Variants in RARB observed in about 807,000 individuals in gnomAD.
The protein encoded by RARB is retinoic acid receptor beta.
RARB carries 17 observed loss-of-function variants against 51.9 expected under a neutral mutation model. The ratio of observed to expected loss-of-function variants is 0.33; its 90% CI spans 0.22 to 0.49. The LOEUF (loss-of-function observed/expected upper bound fraction) is 0.49, where lower values mean the gene tolerates loss of function less well. RARB is among the 20% of genes least tolerant of loss of function. The pLI, the probability that RARB is intolerant of heterozygous loss-of-function variation, is 0.99. For missense variants in RARB, 369 were observed against 550.8 expected, an observed-to-expected ratio of 0.67 and a Z score of 3.30; for synonymous variants, 215 against 195.4, an observed-to-expected ratio of 1.10 and a Z score of -0.84.
chr3:25,077,217 CA>C (rs1698888193), intron 3 of RARB, among the ~76,000 whole-genome samples: 1 of 152,168 alleles, frequency 6.6e-6, no homozygotes, highest in Non-Finnish European at 1.5e-5. Context: ...TTTTTTAAAT[CA>C]AGGCATAATA....
chr3:25,509,820 C>A (rs528840020), intron 3 of RARB, among the ~76,000 whole-genome samples: 2 of 152,118 alleles, frequency 1.3e-5, no homozygotes, highest in Non-Finnish European at 2.9e-5. Flanking sequence ...ACAAAGTTGC[C>A]CTTCCCCTTC....
At chr3:25,223,699 A>G (rs1249560533) in intron 5 of RARB, among the ~76,000 whole-genome samples, 4 of 152,202 alleles carry the variant, frequency 2.6e-5, no homozygotes, top group Admixed American at 6.5e-5. Flanking sequence ...CCTCAAAATA[A>G]GAGTAAAATA....
intron 3 of RARB, among the ~76,000 whole-genome samples, chr3:25,543,467 C>T (rs1035762132): frequency 6.6e-6 from 1 of 152,092 alleles, no homozygotes; most frequent in Non-Finnish European, 1.5e-5. Flanking sequence ...TCAAGATGGC[C>T]CTTCCATGAG....
At chr3:25,490,233 T>C (rs1219207320) in intron 2 of RARB, among the ~76,000 whole-genome samples, 1 of 152,158 alleles carries the variant, frequency 6.6e-6, no homozygotes, top group Admixed American at 6.5e-5. Flanking sequence ...GATTCCAACA[T>C]GGCCCTGAAA....
chr3:25,109,448 G>C (rs1699563204), intron 3 of RARB, among the ~76,000 whole-genome samples: 1 of 152,134 alleles, frequency 6.6e-6, no homozygotes, highest in Admixed American at 6.5e-5. Flanking sequence ...AGTAGGAACT[G>C]TGATTAAATA....
intron 3 of RARB, among the ~76,000 whole-genome samples, chr3:25,126,575 A>G (rs1354544542): frequency 6.6e-6 from 1 of 152,174 alleles, no homozygotes; most frequent in Non-Finnish European, 1.5e-5. Context: ...GTGCACATGA[A>G]CAAAGCAGAT....
chr3:25,335,938 A>T (rs140363299), intron 5 of RARB, among the ~76,000 whole-genome samples: 24 of 152,312 alleles, frequency 1.6e-4, no homozygotes, highest in African/African-American at 5.3e-4. Context: ...ATAAATGTTC[A>T]TTTATTTGAG....
chr3:25,497,085 C>T (rs779025346), intron 2 of RARB, among the ~76,000 whole-genome samples: 7 of 152,108 alleles, frequency 4.6e-5, no homozygotes, highest in African/African-American at 1.2e-4. Flanking sequence ...GCTTTCTCCA[C>T]GTTGGTCAGG....
intron 2 of RARB, among the ~76,000 whole-genome samples, chr3:25,029,717 C>T (rs1697828796): frequency 6.6e-6 from 1 of 152,134 alleles, no homozygotes; most frequent in Non-Finnish European, 1.5e-5. Context: ...GGTGTGAGTC[C>T]ATAAAGTAGT....
chr3:24,871,401 C>A (rs1016203623), intron 2 of RARB, among the ~76,000 whole-genome samples: 5 of 152,094 alleles, frequency 3.3e-5, no homozygotes, highest in African/African-American at 1.2e-4. Flanking sequence ...GTTAGTCCTT[C>A]TTGACACAAT....
chr3:25,421,656 G>A (rs575243099), intron 5 of RARB, among the ~76,000 whole-genome samples: 78 of 151,878 alleles, frequency 5.1e-4, no homozygotes, highest in Middle Eastern at 6.8e-3. Flanking sequence ...CTCCTGCCTC[G>A]GCCTCCCAGA....
At chr3:24,986,141 C>A (rs1010833905) in intron 2 of RARB, among the ~76,000 whole-genome samples, 1 of 152,304 alleles carries the variant, frequency 6.6e-6, no homozygotes, top group Non-Finnish European at 1.5e-5. Context: ...CTGTGCAGTA[C>A]AGTTCATTGA....
intron 1 of RARB, among the ~76,000 whole-genome samples, chr3:25,442,672 G>C: frequency 6.6e-6 from 1 of 152,252 alleles, no homozygotes; most frequent in East Asian, 1.9e-4. Context: ...ACAGAATGCT[G>C]TAGGGTGGTG....
At chr3:25,434,514 T>TA (rs1708342842) in intron 1 of RARB, among the ~76,000 whole-genome samples, 1 of 150,392 alleles carries the variant, frequency 6.6e-6, no homozygotes, top group Admixed American at 6.7e-5. Context: ...TTGTCAGAGT[T>TA]AATCCTTGGT....
chr3:24,928,723 A>G (rs1378131281), intron 2 of RARB, among the ~76,000 whole-genome samples: 1 of 151,990 alleles, frequency 6.6e-6, no homozygotes, highest in Non-Finnish European at 1.5e-5. Context: ...CTTGGGGATA[A>G]TTCACTTTCT....
At chr3:25,460,058 T>C in intron 1 of RARB, among the ~76,000 whole-genome samples, 1 of 152,320 alleles carries the variant, frequency 6.6e-6, no homozygotes, top group South Asian at 2.1e-4. Context: ...TGGAGGATTA[T>C]TATTTTTTTA....
intron 3 of RARB, among the ~76,000 whole-genome samples, chr3:25,530,060 G>C (rs1370028741): frequency 6.6e-6 from 1 of 152,128 alleles, no homozygotes; most frequent in East Asian, 1.9e-4. Flanking sequence ...TATGATTACT[G>C]TCTCAGCGCT....
At chr3:25,332,187 C>T (rs919342546) in intron 5 of RARB, among the ~76,000 whole-genome samples, 79 of 152,274 alleles carry the variant, frequency 5.2e-4, no homozygotes, top group African/African-American at 1.8e-3. Context: ...AGGCCAGCAT[C>T]ATCCTGATAC....
chr3:25,374,281 G>C (rs1706391154), intron 5 of RARB, among the ~76,000 whole-genome samples: 1 of 152,122 alleles, frequency 6.6e-6, no homozygotes, highest in Non-Finnish European at 1.5e-5. Context: ...CTGAGGACTG[G>C]GAACAGGTAC....
Sources: allele counts gnomAD v4.1 joint callset (sites outside exome capture counted in the v4.1 genomes callset), GRCh38; gene constraint gnomAD v4.1.1; transcripts MANE v1.5; gene names NCBI Gene and HGNC (gene_info 2026-07-23, HGNC 2026-07-21).